The following ADRA1B variants were observed in gnomAD, a reference collection of about 807,000 sequenced individuals.
ADRA1B encodes the protein alpha-1B adrenergic receptor.
ADRA1B carries 17 observed loss-of-function variants against 17.9 expected under a neutral mutation model. The ratio of observed to expected loss-of-function variants is 0.95; its 90% CI spans 0.65 to 1.42. The LOEUF (loss-of-function observed/expected upper bound fraction) is 1.42, where lower values mean the gene tolerates loss of function less well. Among genes scored for constraint, ADRA1B ranks in the 40% most tolerant of loss-of-function variants. The pLI is 0.00. For synonymous variants in ADRA1B, 366 were observed against 327.6 expected (o/e 1.12, Z -1.27); for missense variants, 681 against 722.1 (o/e 0.94, Z 0.65).
At chr5:159,954,747 G>A (rs1359030220) in intron 1 of ADRA1B, among the ~76,000 whole-genome samples, 1 of 152,142 alleles carries the variant, frequency 6.6e-6, no homozygotes, top group Non-Finnish European at 1.5e-5. Context: ...CTTTCAAGGA[G>A]TAGGAAGGCC....
chr5:159,903,757 C>G (rs944523283), intron 1 of ADRA1B, among the ~76,000 whole-genome samples: 1 of 152,276 alleles, frequency 6.6e-6, no homozygotes, highest in African/African-American at 2.4e-5. Context: ...CTCACATCCC[C>G]TCATCTTCAA....
intron 1 of ADRA1B, among the ~76,000 whole-genome samples, chr5:159,871,848 T>G (rs1255068599): frequency 6.6e-6 from 1 of 152,218 alleles, no homozygotes; most frequent in Non-Finnish European, 1.5e-5. Flanking sequence ...GAGGTTATAG[T>G]TCTCTTTAGA....
In ADRA1B at chr5:159,972,689, CG is replaced by C. The variant is rs1235661386; in HGVS notation, c.*198del. 2.3e-5 allele frequency: 15 copies of C among 642,950 alleles called. No individual in the cohort carries two copies. The highest frequency in any genetic ancestry group is 3.4e-5 in the Non-Finnish European group (14 of 413,242). The allele number at this position is 642,950 out of a possible 1,614,324, so 39.8% of individuals were successfully genotyped here. On this transcript the variant is annotated 3_prime_UTR_variant, in exon 2 of 2. Transcript: ENST00000306675. ...CCAGGTACCACGCGGAAAGCCGGGC[CG>C]AGCATGCTGAGAGCCTGGGGGACCC...
intron 1 of ADRA1B, among the ~76,000 whole-genome samples, chr5:159,947,145 A>G (rs916451108): frequency 6.6e-6 from 1 of 152,186 alleles, no homozygotes; most frequent in African/African-American, 2.4e-5. Flanking sequence ...GTTCAAGACC[A>G]GCCTGGCCAA....
chr5:159,969,374 C>T (rs941180282), intron 1 of ADRA1B, among the ~76,000 whole-genome samples: 9 of 152,180 alleles, frequency 5.9e-5, no homozygotes, highest in African/African-American at 2.2e-4. Context: ...ATTTCTTCTT[C>T]TTGATTATTT....
chr5:159,967,477 G>A (rs1282611717), intron 1 of ADRA1B, among the ~76,000 whole-genome samples: 5 of 152,192 alleles, frequency 3.3e-5, no homozygotes, highest in Non-Finnish European at 5.9e-5. Context: ...TTTTCAAGAT[G>A]TCAGACTCTG....
rs1306447983 is a variant in ADRA1B, at chr5:159,920,736, GCA to G, written c.949+2883_949+2884del. ...TTAATGATTCAGGAAGAGCATTCCA[GCA>G]AAATAGAGATGTGAGTTTCTACTTT... On this transcript the variant is annotated intron_variant, in intron 1 of 1. Coordinates refer to ENST00000306675, the MANE Select transcript of ADRA1B (RefSeq NM_000679.4). Among the ~76,000 whole-genome samples the G allele has an allele frequency of 1.2e-4, 18 of 152,274 alleles. No individual in the cohort carries two copies. The East Asian group carries it at 3.3e-3, about 28-fold the overall frequency.
At chr5:159,928,255 T>C (rs1246551971) in intron 1 of ADRA1B, among the ~76,000 whole-genome samples, 1 of 152,074 alleles carries the variant, frequency 6.6e-6, no homozygotes, top group African/African-American at 2.4e-5. Flanking sequence ...GGGAGGGCCA[T>C]CTTCACCCCA....
chr5:159,962,216 A>C (rs561623405), intron 1 of ADRA1B, among the ~76,000 whole-genome samples: 1 of 152,156 alleles, frequency 6.6e-6, no homozygotes, highest in African/African-American at 2.4e-5. Context: ...AAGAATATGT[A>C]AAGAATAAAA....
chr5:159,979,725 A>G, the ADRA1B span, among the ~76,000 whole-genome samples: 2 of 151,978 alleles, frequency 1.3e-5, no homozygotes, highest in African/African-American at 2.4e-5. Context: ...AAAATCAGCT[A>G]GGCGTGGTGG....
At chr5:159,905,078 C>T (rs1009046920) in intron 1 of ADRA1B, among the ~76,000 whole-genome samples, 2 of 152,122 alleles carry the variant, frequency 1.3e-5, no homozygotes, top group Admixed American at 1.3e-4. Flanking sequence ...ATAACATGCA[C>T]CAGGCCTGTA....
intron 1 of ADRA1B, among the ~76,000 whole-genome samples, chr5:159,966,456 A>G (rs891634175): frequency 6.6e-6 from 1 of 152,332 alleles, no homozygotes; most frequent in East Asian, 1.9e-4. Flanking sequence ...ACATGGCCAG[A>G]GCCAGGATTC....
intron 1 of ADRA1B, among the ~76,000 whole-genome samples, chr5:159,962,982 C>G (rs1254060441): frequency 2.1e-5 from 2 of 96,176 alleles, no homozygotes; most frequent in African/African-American, 8.2e-5. Flanking sequence ...CCAGGTTGTT[C>G]TCAAACTCCT....
At chr5:159,921,633 TTCTG>T (rs1389569929) in intron 1 of ADRA1B, among the ~76,000 whole-genome samples, 2 of 152,226 alleles carry the variant, frequency 1.3e-5, no homozygotes, top group Non-Finnish European at 2.9e-5. Context: ...CAAATCTTTC[TTCTG>T]TCTTTTAAAA....
chr5:159,966,570 T>A (rs995406184), intron 1 of ADRA1B, among the ~76,000 whole-genome samples: 1 of 152,082 alleles, frequency 6.6e-6, no homozygotes, highest in African/African-American at 2.4e-5. Flanking sequence ...GAAATGCAAA[T>A]GGAACAAGAG....
At chr5:159,945,058 C>T (rs1755232451) in intron 1 of ADRA1B, among the ~76,000 whole-genome samples, 1 of 152,068 alleles carries the variant, frequency 6.6e-6, no homozygotes, top group Admixed American at 6.6e-5. Context: ...CCTGAGGAAG[C>T]TGATCGAAAA....
intron 1 of ADRA1B, among the ~76,000 whole-genome samples, chr5:159,961,311 AC>A (rs1308702138): frequency 6.6e-6 from 1 of 152,210 alleles, no homozygotes; most frequent in African/African-American, 2.4e-5. Context: ...TAAATGTGGT[AC>A]CTTAATAACT....
intron 1 of ADRA1B, among the ~76,000 whole-genome samples, chr5:159,949,209 C>T (rs527523667): frequency 2.0e-4 from 31 of 152,206 alleles, no homozygotes; most frequent in Non-Finnish European, 3.7e-4. Context: ...TATGAATGCC[C>T]ATTCATTCAC....
At chr5:159,885,628 A>C (rs933506259) in intron 1 of ADRA1B, among the ~76,000 whole-genome samples, 1 of 152,220 alleles carries the variant, frequency 6.6e-6, no homozygotes, top group Non-Finnish European at 1.5e-5. Context: ...GGATCACAAA[A>C]CAGAAATATG....
Sources: allele counts gnomAD v4.1 joint callset (sites outside exome capture counted in the v4.1 genomes callset), GRCh38; gene constraint gnomAD v4.1.1; transcripts MANE v1.5; gene names NCBI Gene and HGNC (gene_info 2026-07-23, HGNC 2026-07-21).